The following ANAPC5 variants were observed in gnomAD, a reference collection of about 807,000 sequenced individuals.
The protein encoded by ANAPC5 is anaphase promoting complex subunit 5, also known as anaphase-promoting complex subunit 5.
Under a neutral mutation model 91.3 loss-of-function variants are expected in ANAPC5, and 60 were observed. The observed-to-expected ratio is 0.66, with a 90% confidence interval of 0.53 to 0.81. The LOEUF is 0.81. Among genes scored for constraint, ANAPC5 ranks in the 40% least tolerant of loss-of-function variants. The pLI is 0.00. For synonymous variants in ANAPC5, 340 were observed against 364.1 expected (o/e 0.93, Z 0.75); for missense variants, 690 against 931.5 (o/e 0.74, Z 3.37).
At chr12:121,327,826 C>G (rs1007992036) in intron 10 of ANAPC5, 4 of 157,256 alleles carry the variant, frequency 2.5e-5, no homozygotes, top group Admixed American at 6.4e-5. Flanking sequence ...AAATATTCCA[C>G]AGAAAACACC....
At chr12:121,328,050 A>G (rs2136783072) in intron 10 of ANAPC5, 4 of 371,282 alleles carry the variant, frequency 1.1e-5, no homozygotes, top group East Asian at 1.0e-4. Flanking sequence ...CAGATGTGTG[A>G]ACCCTGGTTT....
At chr12:121,341,157 C>G (rs557016359) in intron 5 of ANAPC5, among the ~76,000 whole-genome samples, 4 of 150,076 alleles carry the variant, frequency 2.7e-5, no homozygotes, top group African/African-American at 9.8e-5. Flanking sequence ...AGTGAGACTC[C>G]GTCTCAAAAA....
At chr12:121,334,138 C>T in intron 7 of ANAPC5, 1 of 152,128 alleles carries the variant, frequency 6.6e-6, no homozygotes, top group East Asian at 1.9e-4. Flanking sequence ...AAAAAATTAG[C>T]TGGGCATTGT....
chr12:121,310,003 A>G, intron 15 of ANAPC5, 140 bp from the exon 16 acceptor site: 1 of 689,422 alleles, frequency 1.5e-6, no homozygotes, highest in Non-Finnish European at 2.2e-6. Flanking sequence ...TAAAACAGGA[A>G]CCACATTCCT....
Position 121,345,902 on chromosome 12 carries a change from T to A in ANAPC5, c.527A>T (p.Glu176Val), listed in dbSNP as rs1555274624. ...TTCACCCTCATCTCTACTGGTCAGT[T>A]CCATATCAGCATCCTCCACTGTCTT... ...EKKTVEDADM[E>V]LTSRDEGERK... The change falls in exon 4 of 17, where the codon GAA becomes GTA. Residue 176 changes from glutamate to valine, a missense_variant. Coordinates refer to ENST00000261819, the MANE Select transcript of ANAPC5 (RefSeq NM_016237.5). 1 of 1,614,206 alleles carries A rather than the reference T, an allele frequency of 6.2e-7. No individual in the cohort carries two copies. Among genetic ancestry groups the A allele is most frequent in the Admixed American group, 1.7e-5 (1 of 60,022 alleles).
At chr12:121,328,626 A>T in intron 9 of ANAPC5, 129 bp from the exon 10 acceptor site, 1 of 848,560 alleles carries the variant, frequency 1.2e-6, no homozygotes. Flanking sequence ...AAAGGAAAGT[A>T]CCTATAACCT....
chr12:121,336,144 C>G (rs1206378011), intron 6 of ANAPC5, among the ~76,000 whole-genome samples: 1 of 152,006 alleles, frequency 6.6e-6, no homozygotes, highest in African/African-American at 2.4e-5. Flanking sequence ...CTGAGACTTA[C>G]TAGTTTACTA....
At chr12:121,353,183 C>T (rs1555275688), upstream of ANAPC5, among the ~76,000 whole-genome samples, 1 of 152,150 alleles carries the variant, frequency 6.6e-6, no homozygotes, top group Non-Finnish European at 1.5e-5. Flanking sequence ...GAGTCAGTTT[C>T]CTACCTAATA....
At chr12:121,341,909 C>T in intron 5 of ANAPC5, 94 bp downstream of exon 5, 1 of 925,524 alleles carries the variant, frequency 1.1e-6, no homozygotes. Context: ...CAAACCTATG[C>T]ACATAACGGG....
In ANAPC5 at chr12:121,318,537, T is replaced by C. The variant is rs766760644; in HGVS notation, c.1709A>G (p.His570Arg). ...TTCTGTGTTCTTCAGTTTCTGACAA[T>C]GAACCAACAATTTTTGTAAAAGCTT... is the stretch of plus-strand genomic sequence containing the variant. ...AHKLLQKLLV[H>R]CQKLKNTEMV... is the part of the protein sequence containing the mutation. The change falls in exon 14 of 17, where the codon CAT becomes CGT. Residue 570 changes from histidine (H) to arginine (R), a missense_variant. By Grantham distance (29) the His-to-Arg change is conservative. Coordinates refer to ENST00000261819, the MANE Select transcript of ANAPC5 (RefSeq NM_016237.5). 4.3e-6 allele frequency: 7 copies of C among 1,614,220 alleles called. No individual in the cohort carries two copies. The highest frequency in any genetic ancestry group is 4.5e-5 in the East Asian group (2 of 44,890).
At chr12:121,335,804 A>G in intron 6 of ANAPC5, 81 bp from the exon 7 acceptor site, 1 of 1,197,932 alleles carries the variant, frequency 8.3e-7, no homozygotes. Flanking sequence ...TCCACTGTCT[A>G]CAAACACTAG....
At position 121,335,526 on chromosome 12, in the gene ANAPC5, A is replaced by G. The variant is rs1555273344; in HGVS notation, c.950+7T>C. On this transcript the variant is annotated splice_region_variant and intron_variant, in intron 7 of 16. Coordinates refer to ENST00000261819, the MANE Select transcript of ANAPC5 (RefSeq NM_016237.5). The stretch of plus-strand genomic sequence containing the variant: ...ATTTGCGCAAGGACAAAGGTCTATA[A>G]ACTTACTAGTGACCGAAGCGGCAGT... 6.3e-7 allele frequency: 1 copy of G among 1,593,734 alleles called. No individual in the cohort carries two copies. Among genetic ancestry groups the G allele is most frequent in the East Asian group, 2.3e-5 (1 of 44,418 alleles).
intron 4 of ANAPC5, among the ~76,000 whole-genome samples, chr12:121,344,356 A>G (rs1161064934): frequency 6.6e-6 from 1 of 152,324 alleles, no homozygotes; most frequent in East Asian, 1.9e-4. Context: ...AGGCGGGTGG[A>G]TCACCTGAGG....
In ANAPC5 at chr12:121,319,755, A is replaced by G; in HGVS notation, c.1579T>C (p.Leu527=). 6.2e-7 allele frequency: 1 copy of G among 1,613,096 alleles called. No homozygotes were observed. The highest frequency in any genetic ancestry group is 8.5e-7 in the Non-Finnish European group (1 of 1,179,722). ...DRAMNDGKYH[L]ADSLVTGITA... is the part of the protein sequence containing the mutation. ...ATTCCTGTAACAAGTGAATCAGCCA[A>G]ATGATATTTGCCATCATTCATTGCT... is the stretch of plus-strand genomic sequence containing the variant. Residue 527 remains leucine (L), a synonymous_variant, in exon 13 of 17, where the codon TTG becomes CTG. Transcript: ENST00000261819.
chr12:121,323,468 G>T (rs140617768), intron 11 of ANAPC5, among the ~76,000 whole-genome samples: 1 of 151,960 alleles, frequency 6.6e-6, no homozygotes, highest in Non-Finnish European at 1.5e-5. Flanking sequence ...GGAACTACAG[G>T]CATGTGCCAC....
At chr12:121,347,257 A>G (rs1452335519) in intron 2 of ANAPC5, 4 of 454,350 alleles carry the variant, frequency 8.8e-6, no homozygotes, top group African/African-American at 2.1e-5. Context: ...ATTATCTGCA[A>G]TGACTAAAAA....
intron 13 of ANAPC5, among the ~76,000 whole-genome samples, chr12:121,318,851 T>G (rs1039571233): frequency 1.3e-5 from 2 of 151,998 alleles, no homozygotes; most frequent in Non-Finnish European, 2.9e-5. Context: ...AAACCCTGCC[T>G]CTACTAAAAA....
intron 11 of ANAPC5, among the ~76,000 whole-genome samples, chr12:121,324,518 T>A (rs1303568962): frequency 6.6e-6 from 1 of 152,066 alleles, no homozygotes; most frequent in Non-Finnish European, 1.5e-5. Flanking sequence ...CCAAAGAGCA[T>A]GGTTACTTTT....
chr12:121,329,103 G>A (rs1227360220), intron 9 of ANAPC5: 2 of 152,260 alleles, frequency 1.3e-5, no homozygotes, highest in African/African-American at 2.4e-5. Flanking sequence ...CTGTACGTAT[G>A]AGTTTCTTTC....
Sources: allele counts gnomAD v4.1 joint callset (sites outside exome capture counted in the v4.1 genomes callset), GRCh38; gene constraint gnomAD v4.1.1; transcripts MANE v1.5; gene names NCBI Gene and HGNC (gene_info 2026-07-23, HGNC 2026-07-21).